Variants in SMG6 observed in about 807,000 individuals in gnomAD.
SMG6 encodes the protein telomerase-binding protein EST1A.
SMG6 carries 66 observed loss-of-function variants against 142.2 expected under a neutral mutation model. That is an observed-to-expected ratio of 0.46 (90% confidence interval 0.38 to 0.57). The LOEUF (loss-of-function observed/expected upper bound fraction) is 0.57, where lower values mean the gene tolerates loss of function less well. SMG6 is among the 20% of genes least tolerant of loss of function. The pLI is 0.00. For missense variants in SMG6, 1,793 were observed against 1,832.0 expected, an observed-to-expected ratio of 0.98 and a Z score of 0.39; for synonymous variants, 779 against 702.4, an observed-to-expected ratio of 1.11 and a Z score of -1.72.
intron 9 of SMG6, among the ~76,000 whole-genome samples, chr17:2,244,146 G>GT (rs1204500535): frequency 3.3e-5 from 5 of 152,206 alleles, no homozygotes; most frequent in African/African-American, 4.8e-5. Flanking sequence ...TGATGAAACC[G>GT]TAAGAGGCTT....
At chr17:2,297,200 C>T (rs749377544) in intron 4 of SMG6, 43 bp downstream of exon 4, 88 of 1,429,276 alleles carry the variant, frequency 6.2e-5, no homozygotes, top group Non-Finnish European at 7.9e-5. Context: ...TAAACGCTTA[C>T]GAAATGAATG....
At chr17:2,192,848 C>T (rs1440550813) in intron 10 of SMG6, among the ~76,000 whole-genome samples, 1 of 152,152 alleles carries the variant, frequency 6.6e-6, no homozygotes, top group Non-Finnish European at 1.5e-5. Context: ...AGGAAGCAGT[C>T]GCTGTATAGG....
intron 12 of SMG6, among the ~76,000 whole-genome samples, chr17:2,183,771 C>T (rs1356092500): frequency 1.5e-5 from 1 of 67,716 alleles, no homozygotes; most frequent in Non-Finnish European, 3.0e-5. Context: ...CACACACACA[C>T]ACACACACAC....
chr17:2,264,046 G>T (rs187893445), intron 8 of SMG6, among the ~76,000 whole-genome samples: 1 of 152,182 alleles, frequency 6.6e-6, no homozygotes, highest in African/African-American at 2.4e-5. Flanking sequence ...CCACATAACA[G>T]GCAGTGTGTT....
At chr17:2,256,158 A>G (rs2074173018) in intron 8 of SMG6, 1 of 153,702 alleles carries the variant, frequency 6.5e-6, no homozygotes. Flanking sequence ...CCCCTCTGCG[A>G]GAAACACCCA....
chr17:2,123,964 A>C (rs534424754), intron 13 of SMG6, among the ~76,000 whole-genome samples: 3 of 152,250 alleles, frequency 2.0e-5, no homozygotes, highest in Non-Finnish European at 4.4e-5. Context: ...TGTGCTTTAC[A>C]CTGAGAGGCC....
intron 13 of SMG6, 57 bp downstream of exon 13, chr17:2,172,601 A>C: frequency 6.4e-7 from 1 of 1,574,424 alleles, no homozygotes; most frequent in Admixed American, 1.7e-5. Context: ...AGAATAAAAA[A>C]GTCTGGAGAA....
intron 8 of SMG6, among the ~76,000 whole-genome samples, chr17:2,253,659 C>T (rs1433918010): frequency 6.6e-6 from 1 of 152,274 alleles, no homozygotes; most frequent in South Asian, 2.1e-4. Context: ...CACTTCTCAC[C>T]ACCACAGGAG....
At chr17:2,209,194 T>C (rs958173618) in intron 10 of SMG6, among the ~76,000 whole-genome samples, 2 of 152,138 alleles carry the variant, frequency 1.3e-5, no homozygotes, top group Non-Finnish European at 2.9e-5. Context: ...GAGAGTAAGA[T>C]GTAAGACAGC....
chr17:2,100,102 A>G (rs577288478), intron 13 of SMG6, among the ~76,000 whole-genome samples: 1 of 151,532 alleles, frequency 6.6e-6, no homozygotes, highest in South Asian at 2.1e-4. Flanking sequence ...CAGTGGCACA[A>G]TCTTGGCTCA....
At chr17:2,087,048 A>G in intron 13 of SMG6, 1 of 1,290,480 alleles carries the variant, frequency 7.7e-7, no homozygotes, top group South Asian at 1.2e-5. Context: ...TAAGCCTTCT[A>G]TCTGCAGCAC....
chr17:2,152,855 A>C (rs1048073663), intron 13 of SMG6, among the ~76,000 whole-genome samples: 2 of 152,236 alleles, frequency 1.3e-5, no homozygotes, highest in Non-Finnish European at 2.9e-5. Flanking sequence ...AAGTTCATTT[A>C]AGAAACGTAA....
At chr17:2,112,640 T>C (rs1271233009) in intron 13 of SMG6, among the ~76,000 whole-genome samples, 1 of 151,410 alleles carries the variant, frequency 6.6e-6, no homozygotes, top group Non-Finnish European at 1.5e-5. Context: ...TTGGTGCTTT[T>C]TTTTTTCCAC....
chr17:2,183,663 AT>A (rs1175775927), intron 12 of SMG6, among the ~76,000 whole-genome samples: 2 of 151,632 alleles, frequency 1.3e-5, no homozygotes, highest in Non-Finnish European at 2.9e-5. Flanking sequence ...TACTCGTTTG[AT>A]TTTTTGTTTA....
intron 15 of SMG6, among the ~76,000 whole-genome samples, chr17:2,073,453 A>AT (rs1597338665): frequency 2.0e-5 from 3 of 151,884 alleles, no homozygotes; most frequent in African/African-American, 7.2e-5. Flanking sequence ...GCTCACGCCT[A>AT]TAATCCCAGC....
At chr17:2,279,828 TC>T (rs2074745030) in intron 8 of SMG6, among the ~76,000 whole-genome samples, 1 of 152,082 alleles carries the variant, frequency 6.6e-6, no homozygotes, top group Non-Finnish European at 1.5e-5. Flanking sequence ...CCTCCATGCC[TC>T]ATCCACATTT....
intron 7 of SMG6, 76 bp downstream of exon 7, chr17:2,283,549 G>A (rs983250729): frequency 7.0e-5 from 82 of 1,179,338 alleles, no homozygotes; most frequent in Non-Finnish European, 9.5e-5. Flanking sequence ...CTGCCGGTGC[G>A]CAGAGCTAGG....
intron 12 of SMG6, among the ~76,000 whole-genome samples, chr17:2,181,320 G>C (rs943745388): frequency 6.6e-5 from 10 of 152,188 alleles, no homozygotes; most frequent in African/African-American, 2.4e-4. Context: ...TGGTAGTCAG[G>C]CCAGGTTTGC....
rs1312273261 is a variant in SMG6 at position 2,299,744 on chromosome 17, C to T, written c.1009G>A (p.Gly337Ser). Residue 337 changes from glycine to serine, a missense_variant, in exon 2 of 19, where the codon GGT becomes AGT. Physicochemically the swap from Gly to Ser is moderately conservative, Grantham distance 56 (BLOSUM62 0). Coordinates refer to ENST00000263073, the MANE Select transcript of SMG6 (RefSeq NM_017575.5). The surrounding 1 kb of genome is among the most constrained non-coding windows in gnomAD (Gnocchi z 4.3). The part of the protein sequence containing the change: ...LERNWSGRGE[G>S]EQKNSAKEYR... ...TCTTTAGCACTGTTTTTCTGCTCAC[C>T]CTCCCCACGGCCAGACCAGTTTCTT... 3.1e-6 allele frequency: 5 copies of T among 1,614,154 alleles called. No individual in the cohort carries two copies. The highest frequency in any genetic ancestry group is 1.1e-5 in the South Asian group (1 of 91,086).
Sources: gnomAD v4.1 joint callset for allele counts (sites outside exome capture counted in the v4.1 genomes callset) on GRCh38, gnomAD v4.1.1 for gene constraint, Gnocchi (gnomAD v3.1) non-coding constraint, MANE v1.5 for transcripts, NCBI Gene and HGNC (gene_info 2026-07-23, HGNC 2026-07-21) for gene names.